The following DENND2B variants were observed in gnomAD, a reference collection of about 807,000 sequenced individuals.
DENND2B encodes the protein DENN domain containing 2B.
A neutral mutation model predicts 116.0 loss-of-function variants in DENND2B; 32 were observed. The ratio of observed to expected loss-of-function variants is 0.28; its 90% CI spans 0.21 to 0.37. The LOEUF (loss-of-function observed/expected upper bound fraction) is 0.37, where lower values mean the gene tolerates loss of function less well. DENND2B is among the 10% of genes least tolerant of loss of function. The pLI, the probability that DENND2B is intolerant of heterozygous loss-of-function variation, is 1.00. For synonymous variants in DENND2B, 588 were observed against 583.9 expected (o/e 1.01, Z -0.10); for missense variants, 1,276 against 1,477.7 (o/e 0.86, Z 2.24).
intron 1 of DENND2B, among the ~76,000 whole-genome samples, chr11:8,755,735 G>A (rs1161945053): frequency 1.3e-5 from 2 of 152,012 alleles, no homozygotes; most frequent in Non-Finnish European, 2.9e-5. Context: ...TGATCCTCCC[G>A]CCTCAGCCTC....
At chr11:8,830,672 C>T (rs1161387721) in intron 4 of DENND2B, 1 of 152,194 alleles carries the variant, frequency 6.6e-6, no homozygotes, top group Non-Finnish European at 1.5e-5. Flanking sequence ...TTAATACCCT[C>T]CCAACTCCTA....
At chr11:8,836,799 C>T (rs2062446838) in intron 4 of DENND2B, among the ~76,000 whole-genome samples, 1 of 152,178 alleles carries the variant, frequency 6.6e-6, no homozygotes, top group Non-Finnish European at 1.5e-5. Context: ...ACTGCAGTCT[C>T]GACCTCCCTG....
intron 4 of DENND2B, among the ~76,000 whole-genome samples, chr11:8,823,052 G>A (rs542298075): frequency 3.5e-3 from 537 of 152,138 alleles, no homozygotes; most frequent in Middle Eastern, 6.8e-3. Flanking sequence ...GATAATACAT[G>A]TAAAACACTC....
chr11:8,719,782 A>G (rs1250731114), intron 4 of DENND2B, among the ~76,000 whole-genome samples: 1 of 152,238 alleles, frequency 6.6e-6, no homozygotes, highest in Non-Finnish European at 1.5e-5. Context: ...GGACCAGAGC[A>G]TCACTGTCCA....
chr11:8,874,906 C>G (rs1223913824), upstream of DENND2B, among the ~76,000 whole-genome samples: 6 of 152,216 alleles, frequency 3.9e-5, no homozygotes, highest in Non-Finnish European at 5.9e-5. Flanking sequence ...GCCTGGGCGG[C>G]AAAGTGAGAC....
At chr11:8,713,418 C>T (rs956305421) in intron 8 of DENND2B, among the ~76,000 whole-genome samples, 8 of 152,014 alleles carry the variant, frequency 5.3e-5, no homozygotes, top group African/African-American at 7.2e-5. Context: ...CTTGCTCTGT[C>T]GCCCAGGCTA....
At chr11:8,812,655 A>G (rs2061431214), upstream of DENND2B, among the ~76,000 whole-genome samples, 1 of 152,160 alleles carries the variant, frequency 6.6e-6, no homozygotes, top group African/African-American at 2.4e-5. Flanking sequence ...GCCTGACTCC[A>G]CCACTAACGG....
Position 8,695,457 on chromosome 11 carries a change from A to T in DENND2B, c.3379+6T>A. On this transcript the variant is annotated splice_donor_region_variant and intron_variant, in intron 19 of 19. Coordinates refer to ENST00000313726, the MANE Select transcript of DENND2B (RefSeq NM_213618.2). ...CATCTATCTCATCAGTAACAAGGCC[A>T]CTTACCCAAACCTCGGAGAAACTTA... The T allele has an allele frequency of 6.2e-7, 1 of 1,613,230 alleles. No individual in the cohort carries two copies.
intron 1 of DENND2B, among the ~76,000 whole-genome samples, chr11:8,769,923 G>A (rs2056563884): frequency 6.6e-6 from 1 of 152,150 alleles, no homozygotes; most frequent in Non-Finnish European, 1.5e-5. Flanking sequence ...CTGAACCCAG[G>A]AGTTCAAGAC....
chr11:8,729,330 C>G (rs903926628), intron 3 of DENND2B, among the ~76,000 whole-genome samples: 3 of 152,158 alleles, frequency 2.0e-5, no homozygotes, highest in African/African-American at 7.2e-5. Flanking sequence ...GGTTAGAAAT[C>G]CTGAGACTGA....
chr11:8,812,486 AT>A (rs558804695), upstream of DENND2B, among the ~76,000 whole-genome samples: 310 of 147,802 alleles, frequency 2.1e-3, 1 homozygote, highest in Middle Eastern at 3.6e-3. Context: ...AATTTAACAG[AT>A]TTTTTTTTTT....
chr11:8,818,310 G>C (rs890066708), intron 4 of DENND2B, among the ~76,000 whole-genome samples: 5 of 151,524 alleles, frequency 3.3e-5, no homozygotes, highest in African/African-American at 9.7e-5. Context: ...AGCTAGCTCA[G>C]AACTCTGAGT....
chr11:8,766,917 G>A (rs1775515943), intron 1 of DENND2B, among the ~76,000 whole-genome samples: 1 of 152,210 alleles, frequency 6.6e-6, no homozygotes, highest in Non-Finnish European at 1.5e-5. Flanking sequence ...CAAGCCTCTG[G>A]CAGCAAGGCT....
chr11:8,789,549 A>C (rs1332581129), intron 1 of DENND2B, among the ~76,000 whole-genome samples: 1 of 152,188 alleles, frequency 6.6e-6, no homozygotes, highest in Non-Finnish European at 1.5e-5. Flanking sequence ...TGCATCATTC[A>C]TAAAGGGTTG....
rs2062838862 is a variant in DENND2B, at chr11:8,847,002, A to C, written c.-155-7652T>G. 3.9e-5 allele frequency among the ~76,000 whole-genome samples: 6 copies of C among 152,328 alleles called. No individual in the cohort carries two copies. In the South Asian group the frequency reaches 1.2e-3, roughly 32 times the overall value. On this transcript the variant is annotated intron_variant, in intron 3 of 6. Coordinates refer to the DENND2B transcript ENST00000524757. ...ACACTGTCTCCTGCCACTCATCCAA[A>C]TGTCTATCTCTTTCACAAAATTAAA...
chr11:8,706,008 G>C (rs1200952178), intron 13 of DENND2B, among the ~76,000 whole-genome samples: 1 of 152,216 alleles, frequency 6.6e-6, no homozygotes, highest in Non-Finnish European at 1.5e-5. Context: ...AGTTTGGGAG[G>C]GGGAGGTGGG....
chr11:8,824,872 T>C lies in DENND2B; in HGVS notation c.-114-13537A>G, dbSNP rs1314989102. Among the ~76,000 whole-genome samples the C allele has an allele frequency of 5.2e-5, 7 of 134,780 alleles. 1 individual carries two copies. In the South Asian group the frequency reaches 1.7e-3, roughly 33 times the overall value. The allele number at this position is 134,780 out of a possible 152,430, so 88.4% of individuals were successfully genotyped here. A position where few individuals can be genotyped will look rare whatever the true frequency, so the allele number is the denominator to read the frequency against. ...CCAGCTATTTTTTTTTTTTTTTTTG[T>C]ATTTTTAGTAGAGACACGGTTTCGC... is the stretch of plus-strand genomic sequence containing the variant. On this transcript the variant is annotated intron_variant, in intron 4 of 6. Transcript: ENST00000524757.
chr11:8,696,890 TCTC>T (rs2133669738), intron 17 of DENND2B, among the ~76,000 whole-genome samples: 1 of 152,320 alleles, frequency 6.6e-6, no homozygotes, highest in East Asian at 1.9e-4. Flanking sequence ...TTCAAGCAAT[TCTC>T]CTGCCTCAGC....
At chr11:8,799,651 G>C (rs139014011) in intron 1 of DENND2B, among the ~76,000 whole-genome samples, 1 of 146,674 alleles carries the variant, frequency 6.8e-6, no homozygotes, top group Non-Finnish European at 1.5e-5. Flanking sequence ...TGATCATTGC[G>C]CAGGACAGCC....
Sources: gnomAD v4.1 joint callset for allele counts (sites outside exome capture counted in the v4.1 genomes callset) on GRCh38, gnomAD v4.1.1 for gene constraint, MANE v1.5 for transcripts, NCBI Gene and HGNC (gene_info 2026-07-23, HGNC 2026-07-21) for gene names.